TMEM132D: variants seen among roughly 807,000 people sequenced by gnomAD.
The protein encoded by TMEM132D is mature OL transmembrane protein.
In TMEM132D, 21 loss-of-function variants were observed where a neutral mutation model predicts 62.3. The observed-to-expected ratio is 0.34, with a 90% CI of 0.24 to 0.49. The LOEUF is 0.49. TMEM132D is among the 20% of genes least tolerant of loss of function. The pLI is 0.99. For synonymous variants in TMEM132D, 621 were observed against 575.6 expected, an observed-to-expected ratio of 1.08 and a Z score of -1.13; for missense variants, 1,346 against 1,402.8, an observed-to-expected ratio of 0.96 and a Z score of 0.65.
chr12:129,171,281 T>G (rs1277520739), intron 5 of TMEM132D, among the ~76,000 whole-genome samples: 1 of 152,194 alleles, frequency 6.6e-6, no homozygotes, highest in African/African-American at 2.4e-5. Context: ...TTGTGGCCAT[T>G]CAGCCCCATC....
At position 129,078,525 on chromosome 12, in the gene TMEM132D, C is replaced by T. The variant is rs1378638376; in HGVS notation, c.2115+9G>A. On this transcript the variant is annotated intron_variant, in intron 8 of 8. Transcript: ENST00000422113. ...CCTGCTGAAGTGTGTCTCAAGCCCT[C>T]CTCCATACCTGTTTTGGCCTCTGCA... The T allele has an allele frequency of 3.1e-6, 5 of 1,611,630 alleles. No homozygotes were observed. The highest frequency in any genetic ancestry group is 1.3e-5 in the African/African-American group (1 of 74,966).
At chr12:129,081,350 G>A (rs753255949) in intron 7 of TMEM132D, among the ~76,000 whole-genome samples, 4 of 152,224 alleles carry the variant, frequency 2.6e-5, no homozygotes, top group Non-Finnish European at 4.4e-5. Context: ...CCAGGTTGGA[G>A]TGTAGTGGCA....
At chr12:129,335,044 T>C (rs997141771) in intron 4 of TMEM132D, among the ~76,000 whole-genome samples, 1 of 152,182 alleles carries the variant, frequency 6.6e-6, no homozygotes, top group South Asian at 2.1e-4. Context: ...GTATTGCATA[T>C]ATTTTAAATT....
intron 3 of TMEM132D, among the ~76,000 whole-genome samples, chr12:129,377,375 C>G (rs1241588043): frequency 1.3e-5 from 2 of 152,124 alleles, no homozygotes; most frequent in Admixed American, 1.3e-4. Context: ...CAGAAGGCTT[C>G]TTTGGGGTTT....
intron 4 of TMEM132D, chr12:129,210,886 C>T (rs928630168): frequency 1.3e-5 from 2 of 152,224 alleles, no homozygotes; most frequent in Non-Finnish European, 2.9e-5. Context: ...TCCCAGACAT[C>T]GAGCATCTCT....
intron 2 of TMEM132D, among the ~76,000 whole-genome samples, chr12:129,641,962 T>C (rs568017172): frequency 6.6e-6 from 1 of 152,212 alleles, no homozygotes; most frequent in Admixed American, 6.5e-5. Flanking sequence ...ATTTTCCAAA[T>C]ACAAACCGAA....
chr12:129,327,223 C>T (rs934568212), intron 4 of TMEM132D, among the ~76,000 whole-genome samples: 1 of 152,102 alleles, frequency 6.6e-6, no homozygotes, highest in Non-Finnish European at 1.5e-5. Flanking sequence ...GGCGGGGCAG[C>T]CTGTTCCATG....
At chr12:129,583,193 A>G (rs965317413) in intron 2 of TMEM132D, among the ~76,000 whole-genome samples, 1 of 152,216 alleles carries the variant, frequency 6.6e-6, no homozygotes, top group Admixed American at 6.5e-5. Flanking sequence ...AAACATTTAG[A>G]ATAATTCTTG....
intron 4 of TMEM132D, among the ~76,000 whole-genome samples, chr12:129,259,814 G>T (rs1429801043): frequency 6.6e-6 from 1 of 152,160 alleles, no homozygotes; most frequent in Non-Finnish European, 1.5e-5. Context: ...TGTGACATTT[G>T]TGTGTGAGGG....
intron 1 of TMEM132D, among the ~76,000 whole-genome samples, chr12:129,739,093 T>C (rs1239213580): frequency 6.6e-6 from 1 of 152,120 alleles, no homozygotes; most frequent in Non-Finnish European, 1.5e-5. Context: ...GTTTTTGAGC[T>C]GGAAAAAGGA....
intron 3 of TMEM132D, among the ~76,000 whole-genome samples, chr12:129,342,944 G>A (rs1869545370): frequency 6.6e-6 from 1 of 152,208 alleles, no homozygotes; most frequent in Non-Finnish European, 1.5e-5. Flanking sequence ...TGGAGAGGAT[G>A]TGGAGAAATA....
At chr12:129,719,139 A>G (rs1364038594) in intron 1 of TMEM132D, among the ~76,000 whole-genome samples, 1 of 151,306 alleles carries the variant, frequency 6.6e-6, no homozygotes, top group Non-Finnish European at 1.5e-5. Context: ...CTGTACCTGT[A>G]GTCCCAGCTA....
intron 4 of TMEM132D, among the ~76,000 whole-genome samples, chr12:129,265,825 A>G (rs1880676105): frequency 6.6e-6 from 1 of 151,304 alleles, no homozygotes; most frequent in South Asian, 2.1e-4. Context: ...CCAAATTTCT[A>G]CCTCCTCCCC....
At chr12:129,365,591 G>T (rs976467615) in intron 3 of TMEM132D, among the ~76,000 whole-genome samples, 3 of 152,130 alleles carry the variant, frequency 2.0e-5, no homozygotes, top group Admixed American at 1.3e-4. Context: ...ATGGAGCAGG[G>T]GGAGAAGAGA....
intron 1 of TMEM132D, among the ~76,000 whole-genome samples, chr12:129,802,858 T>C (rs1357222575): frequency 6.6e-6 from 1 of 150,592 alleles, no homozygotes; most frequent in Non-Finnish European, 1.5e-5. Flanking sequence ...ACCAAGCAAA[T>C]GGAAAACAAA....
intron 2 of TMEM132D, among the ~76,000 whole-genome samples, chr12:129,692,135 A>C (rs984402411): frequency 6.6e-6 from 1 of 152,158 alleles, no homozygotes; most frequent in Non-Finnish European, 1.5e-5. Flanking sequence ...AAGAAAAAAC[A>C]AAAGTGCAAA....
chr12:129,272,606 C>G (rs916278970), intron 4 of TMEM132D, among the ~76,000 whole-genome samples: 1 of 151,660 alleles, frequency 6.6e-6, no homozygotes, highest in African/African-American at 2.4e-5. Context: ...TGAGAAGTGT[C>G]TGTTCATGTC....
chr12:129,667,454 C>T lies in TMEM132D; in HGVS notation c.968+32356G>A, dbSNP rs575273531. ...GCCTCATGCTATCTTTCTTGGGTCT[C>T]GTTTGGAAAGCTAAGTCTCCTATCA... On this transcript the variant is annotated intron_variant, in intron 2 of 8. Transcript: ENST00000422113. Among the ~76,000 whole-genome samples, 55 of 152,136 alleles carry T rather than the reference C, an allele frequency of 3.6e-4. No individual in the cohort carries two copies. In the Middle Eastern group the frequency reaches 0.014, roughly 38 times the overall value.
chr12:129,460,297 T>C (rs1873620192), intron 3 of TMEM132D, among the ~76,000 whole-genome samples: 1 of 152,196 alleles, frequency 6.6e-6, no homozygotes, highest in African/African-American at 2.4e-5. Context: ...AGTTAAGGTT[T>C]CATTCACACT....
Sources: gnomAD v4.1 joint callset for allele counts (sites outside exome capture counted in the v4.1 genomes callset) on GRCh38, gnomAD v4.1.1 for gene constraint, MANE v1.5 for transcripts, NCBI Gene and HGNC (gene_info 2026-07-23, HGNC 2026-07-21) for gene names.